Variants in DPP10 observed in about 807,000 individuals in gnomAD.
DPP10 encodes inactive dipeptidyl peptidase 10.
DPP10 carries 33 observed loss-of-function variants against 120.9 expected under a neutral mutation model. The observed-to-expected ratio is 0.27, with a 90% CI of 0.21 to 0.37. The LOEUF (loss-of-function observed/expected upper bound fraction) is 0.37. Ranked by LOEUF, DPP10 falls within the 10% of genes least tolerant of loss-of-function variation. The pLI, the probability that DPP10 is intolerant of heterozygous loss-of-function variation, is 1.00. For synonymous variants in DPP10, 337 were observed against 326.1 expected (o/e 1.03, Z -0.36); for missense variants, 816 against 942.8 (o/e 0.87, Z 1.76).
rs375603623 is a variant in DPP10 at position 115,199,453 on chromosome 2, T to C, written c.61-109786T>C. Reference sequence around the variant, plus strand: ...ATTTCAAATAACTATTAAGTTGTTATCATCTGACTTTTTTAAAACTTTCTA... The same window carrying C: ...ATTTCAAATAACTATTAAGTTGTTACCATCTGACTTTTTTAAAACTTTCTA... On this transcript the variant is annotated intron_variant, in intron 1 of 25. Coordinates refer to ENST00000410059, the MANE Select transcript of DPP10 (RefSeq NM_020868.6). Among the ~76,000 whole-genome samples the C allele has an allele frequency of 7.2e-5, 11 of 152,276 alleles. No homozygotes were observed. In the East Asian group the frequency reaches 1.5e-3, roughly 21 times the overall value.
chr2:115,637,667 T>C (rs1173324344), intron 5 of DPP10, among the ~76,000 whole-genome samples: 3 of 152,160 alleles, frequency 2.0e-5, no homozygotes, highest in African/African-American at 7.2e-5. Flanking sequence ...TTATTGAATT[T>C]ATGAGTGAGC....
intron 1 of DPP10, among the ~76,000 whole-genome samples, chr2:114,497,140 T>G (rs1351693808): frequency 7.0e-6 from 1 of 142,284 alleles, no homozygotes; most frequent in Admixed American, 6.8e-5. Flanking sequence ...CATGTAGGTA[T>G]ACACGTGTAT....
intron 3 of DPP10, among the ~76,000 whole-genome samples, chr2:115,460,493 GA>G (rs1343063992): frequency 1.3e-5 from 2 of 152,128 alleles, no homozygotes; most frequent in Admixed American, 6.6e-5. Context: ...GTAGGAGTTT[GA>G]AAATGCTTAA....
intron 7 of DPP10, among the ~76,000 whole-genome samples, chr2:115,695,277 G>T (rs567450032): frequency 6.6e-6 from 1 of 152,238 alleles, no homozygotes; most frequent in African/African-American, 2.4e-5. Context: ...AATTACAAAA[G>T]AACCAACATA....
At chr2:114,446,294 AT>A (rs1229853798) in intron 1 of DPP10, among the ~76,000 whole-genome samples, 8 of 152,064 alleles carry the variant, frequency 5.3e-5, no homozygotes, top group African/African-American at 1.7e-4. Context: ...AAATGTGCAG[AT>A]TTTTTTCTTA....
intron 1 of DPP10, among the ~76,000 whole-genome samples, chr2:114,586,628 G>A (rs1483814489): frequency 2.0e-5 from 3 of 152,192 alleles, no homozygotes; most frequent in Non-Finnish European, 2.9e-5. Flanking sequence ...GCTATGGTTT[G>A]TATACGGTTT....
chr2:114,859,255 A>G (rs761881628), intron 1 of DPP10, among the ~76,000 whole-genome samples: 3 of 151,958 alleles, frequency 2.0e-5, no homozygotes, highest in Non-Finnish European at 4.4e-5. Flanking sequence ...TAATCCCAGT[A>G]ACTTGGGAGG....
intron 1 of DPP10, among the ~76,000 whole-genome samples, chr2:115,244,216 G>GTATATATATATATA (rs377701662): frequency 8.3e-6 from 1 of 119,854 alleles, no homozygotes; most frequent in African/African-American, 3.3e-5. Context: ...ATATGTGTGT[G>GTATATATATATATA]TATATATATA....
At chr2:114,598,360 G>T (rs1179693688) in intron 1 of DPP10, among the ~76,000 whole-genome samples, 1 of 151,844 alleles carries the variant, frequency 6.6e-6, no homozygotes, top group African/African-American at 2.4e-5. Context: ...AATTTTTTAG[G>T]TTGGGAAAGA....
At chr2:114,929,961 G>A (rs893896597) in intron 1 of DPP10, among the ~76,000 whole-genome samples, 6 of 152,034 alleles carry the variant, frequency 3.9e-5, no homozygotes, top group African/African-American at 1.2e-4. Flanking sequence ...CTTCTGCCAC[G>A]GCTTCAGCCA....
At chr2:114,697,929 G>T (rs1420453778) in intron 1 of DPP10, among the ~76,000 whole-genome samples, 1 of 151,906 alleles carries the variant, frequency 6.6e-6, no homozygotes. Flanking sequence ...TTATAGATTT[G>T]GTTTGGTGTC....
chr2:115,162,051 A>G (rs1465622317), intron 1 of DPP10: 3 of 1,425,620 alleles, frequency 2.1e-6, no homozygotes, highest in Non-Finnish European at 2.7e-6. Flanking sequence ...AGCCGCGGCC[A>G]GGCCCTCCCG....
At chr2:115,561,979 A>T (rs192547056) in intron 5 of DPP10, among the ~76,000 whole-genome samples, 13 of 152,288 alleles carry the variant, frequency 8.5e-5, no homozygotes, top group Admixed American at 5.9e-4. Flanking sequence ...CTTTCTGTGA[A>T]ATCTGACAGT....
At chr2:115,630,939 C>T (rs2085804125) in intron 5 of DPP10, among the ~76,000 whole-genome samples, 1 of 151,806 alleles carries the variant, frequency 6.6e-6, no homozygotes, top group Non-Finnish European at 1.5e-5. Flanking sequence ...AAGAGAAGTC[C>T]CTCTTTTTCA....
rs950944578 is a variant in DPP10, at chr2:115,815,610, A to T, written c.1896-65A>T. 1.8e-5 allele frequency: 25 copies of T among 1,409,208 alleles called. 1 individual carries two copies. The highest frequency in any genetic ancestry group is 1.4e-4 in the East Asian group (6 of 43,154). The allele number at this position is 1,409,208 out of a possible 1,614,324, so 87.3% of individuals were successfully genotyped here. On this transcript the variant is annotated intron_variant, in intron 20 of 25. Transcript: ENST00000410059. Reference sequence around the variant, plus strand: ...TATTGTTTTGTATGTATGCATGCCAACTATATATTTATATTTGCATTTAAC... The same window carrying T: ...TATTGTTTTGTATGTATGCATGCCATCTATATATTTATATTTGCATTTAAC...
intron 1 of DPP10, among the ~76,000 whole-genome samples, chr2:115,229,740 CTATTCTAT>C (rs2057641336): frequency 6.8e-6 from 1 of 146,914 alleles, no homozygotes; most frequent in African/African-American, 2.6e-5. Context: ...CTATTCTATT[CTATTCTAT>C]TCTATTGGTC....
intron 1 of DPP10, among the ~76,000 whole-genome samples, chr2:115,219,400 A>G (rs1447584281): frequency 6.6e-6 from 1 of 152,136 alleles, no homozygotes; most frequent in Admixed American, 6.6e-5. Flanking sequence ...ATACTTTTCC[A>G]TAATCATCCT....
intron 1 of DPP10, among the ~76,000 whole-genome samples, chr2:114,476,551 A>G (rs1418044128): frequency 6.6e-6 from 1 of 152,202 alleles, no homozygotes; most frequent in Non-Finnish European, 1.5e-5. Flanking sequence ...TTGAGAAACA[A>G]TGAATTTCAT....
intron 4 of DPP10, among the ~76,000 whole-genome samples, chr2:115,517,371 T>A (rs1162137612): frequency 6.6e-6 from 1 of 152,192 alleles, no homozygotes; most frequent in African/African-American, 2.4e-5. Context: ...CTGGTTAATG[T>A]CTAACTCAGT....
Sources: gnomAD v4.1 joint callset for allele counts (sites outside exome capture counted in the v4.1 genomes callset) on GRCh38, gnomAD v4.1.1 for gene constraint, MANE v1.5 for transcripts, NCBI Gene and HGNC (gene_info 2026-07-23, HGNC 2026-07-21) for gene names.